PHC3: variants seen among roughly 807,000 people sequenced by gnomAD.
The protein encoded by PHC3 is polyhomeotic-like protein 3.
PHC3 carries 13 observed loss-of-function variants against 107.4 expected under a neutral mutation model. The ratio of observed to expected loss-of-function variants is 0.12; its 90% CI spans 0.08 to 0.19. The LOEUF is 0.19. PHC3 is among the 10% of genes least tolerant of loss of function. The pLI is 1.00. For missense variants in PHC3, 992 were observed against 1,210.9 expected (o/e 0.82, Z 2.68); for synonymous variants, 456 against 427.4 (o/e 1.07, Z -0.83).
At chr3:170,121,258 G>A (rs1720227033) in intron 9 of PHC3, among the ~76,000 whole-genome samples, 1 of 151,982 alleles carries the variant, frequency 6.6e-6, no homozygotes, top group African/African-American at 2.4e-5. Context: ...AGGATTACAT[G>A]AGCCCAGGAG....
rs182517202 is a variant in PHC3 at position 170,144,097 on chromosome 3, C to T, written c.672+1326G>A. On this transcript the variant is annotated intron_variant, in intron 6 of 14. Transcript: ENST00000495893. ...ATCCCAGCACTTTGGGAGGCTGAGGCGGGCAGATCACCTGAGATTCAAGAC... is the reference window on the plus strand; with the variant it reads ...ATCCCAGCACTTTGGGAGGCTGAGGTGGGCAGATCACCTGAGATTCAAGAC... Among the ~76,000 whole-genome samples, 508 of 147,684 alleles carry T rather than the reference C, an allele frequency of 3.4e-3. 3 individuals are homozygous for T. Among genetic ancestry groups the T allele is most frequent in the Non-Finnish European group, 5.5e-3 (369 of 67,388 alleles).
intron 7 of PHC3, among the ~76,000 whole-genome samples, chr3:170,133,796 A>G (rs919217174): frequency 6.6e-6 from 1 of 152,150 alleles, no homozygotes; most frequent in Non-Finnish European, 1.5e-5. Flanking sequence ...CTATTAATGA[A>G]AGAGGGGAGA....
chr3:170,164,010 A>G (rs114687707), intron 4 of PHC3, among the ~76,000 whole-genome samples: 19 of 152,214 alleles, frequency 1.2e-4, no homozygotes, highest in African/African-American at 3.4e-4. Context: ...GAACAGCCTG[A>G]GCAAGACAGC....
At chr3:170,101,375 A>G (rs1025949524) in intron 14 of PHC3, among the ~76,000 whole-genome samples, 3 of 152,194 alleles carry the variant, frequency 2.0e-5, no homozygotes, top group African/African-American at 4.8e-5. Context: ...ATTCCTAAAT[A>G]TATTTTCTTG....
intron 7 of PHC3, among the ~76,000 whole-genome samples, chr3:170,131,598 C>G (rs976915551): frequency 7.2e-5 from 11 of 152,180 alleles, no homozygotes; most frequent in Non-Finnish European, 1.5e-4. Context: ...TTTTGTGAGG[C>G]TGAGGTGGGA....
At chr3:170,108,334 C>T (rs1487147891) in intron 11 of PHC3, among the ~76,000 whole-genome samples, 1 of 152,136 alleles carries the variant, frequency 6.6e-6, no homozygotes, top group African/African-American at 2.4e-5. Flanking sequence ...CTCACATTAC[C>T]TCAGTTTTAC....
intron 7 of PHC3, among the ~76,000 whole-genome samples, 164 bp from the exon 8 acceptor site, chr3:170,129,716 T>G (rs74774260): frequency 6.6e-6 from 1 of 152,068 alleles, no homozygotes; most frequent in Non-Finnish European, 1.5e-5. Context: ...TTTTTTTTTT[T>G]GAGACAGAGT....
intron 4 of PHC3, among the ~76,000 whole-genome samples, chr3:170,151,081 C>T (rs535449231): frequency 9.2e-5 from 14 of 151,742 alleles, no homozygotes; most frequent in African/African-American, 2.4e-4. Flanking sequence ...TGTGATGGCA[C>T]GCGCCTGTAA....
intron 6 of PHC3, among the ~76,000 whole-genome samples, chr3:170,143,287 G>A (rs1724396051): frequency 6.6e-6 from 1 of 151,970 alleles, no homozygotes; most frequent in African/African-American, 2.4e-5. Context: ...AAATCTTAAA[G>A]TTAACAGAGA....
chr3:170,162,639 AT>A (rs1728074223), intron 4 of PHC3, among the ~76,000 whole-genome samples: 1 of 152,234 alleles, frequency 6.6e-6, no homozygotes, highest in Admixed American at 6.5e-5. Context: ...TTACAAGAAC[AT>A]TTAACTCCAT....
At chr3:170,153,503 C>G (rs1311236960) in intron 4 of PHC3, among the ~76,000 whole-genome samples, 1 of 152,146 alleles carries the variant, frequency 6.6e-6, no homozygotes, top group Non-Finnish European at 1.5e-5. Flanking sequence ...GTGGCTCACG[C>G]CTGTAATCCC....
In PHC3 at chr3:170,093,175, G is replaced by A. The variant is rs1286980943; in HGVS notation, c.*4055C>T. The A allele has an allele frequency of 6.6e-6, 1 of 152,238 alleles. No individual in the cohort carries two copies. Among genetic ancestry groups the A allele is most frequent in the African/African-American group, 2.4e-5 (1 of 41,448 alleles). 9.4% of individuals were successfully genotyped at this position (152,238 alleles called of 1,614,324 possible). A position where few individuals can be genotyped will look rare whatever the true frequency, so the allele number is the denominator to read the frequency against. On this transcript the variant is annotated 3_prime_UTR_variant, in exon 15 of 15. Coordinates refer to ENST00000495893, the MANE Select transcript of PHC3 (RefSeq NM_024947.4). ...CTGCCCAAAGGTTGCTCTGGAACAT[G>A]ACTGTCAGGTATCAGAAAGTCCTGC... is the stretch of plus-strand genomic sequence containing the variant.
rs115917618 is a variant in PHC3 at position 170,103,887 on chromosome 3, C to T, written c.2469-953G>A. ...TGGCAAGACCAGTTCAAGGCCAACACGGTGAAAACCCGTCTCTACCCAAAA... is the reference window on the plus strand; with the variant it reads ...TGGCAAGACCAGTTCAAGGCCAACATGGTGAAAACCCGTCTCTACCCAAAA... On this transcript the variant is annotated intron_variant, in intron 12 of 14. Coordinates refer to ENST00000495893, the MANE Select transcript of PHC3 (RefSeq NM_024947.4). Among the ~76,000 whole-genome samples, 1,106 of 152,150 alleles carry T rather than the reference C, an allele frequency of 7.3e-3. 19 individuals are homozygous for T. Among genetic ancestry groups the T allele is most frequent in the African/African-American group, 0.025 (1,042 of 41,502 alleles).
intron 1 of PHC3, 123 bp downstream of exon 1, chr3:170,181,579 G>A: frequency 7.1e-7 from 1 of 1,411,798 alleles, no homozygotes; most frequent in East Asian, 2.3e-5. Flanking sequence ...GATAGGACGG[G>A]TCTCGAGTCT....
intron 7 of PHC3, among the ~76,000 whole-genome samples, chr3:170,135,712 T>C (rs1386923464): frequency 6.7e-6 from 1 of 149,180 alleles, no homozygotes; most frequent in African/African-American, 2.5e-5. Flanking sequence ...CAGGGGCAAA[T>C]GGTGCTAAGT....
chr3:170,113,893 A>C (rs887840544), intron 10 of PHC3, among the ~76,000 whole-genome samples: 1 of 152,236 alleles, frequency 6.6e-6, no homozygotes, highest in East Asian at 1.9e-4. Flanking sequence ...ACTGAAAAAC[A>C]AAGGCAATAA....
At chr3:170,119,199 A>G (rs567855700) in intron 9 of PHC3, among the ~76,000 whole-genome samples, 1 of 152,152 alleles carries the variant, frequency 6.6e-6, no homozygotes, top group Non-Finnish European at 1.5e-5. Context: ...ACATACTTCT[A>G]GGGGACAAAG....
chr3:170,178,604 A>G (rs1036103353), intron 2 of PHC3, among the ~76,000 whole-genome samples, 169 bp downstream of exon 2: 1 of 152,234 alleles, frequency 6.6e-6, no homozygotes, highest in African/African-American at 2.4e-5. Flanking sequence ...ACAATTACAC[A>G]GTCTTGGTAT....
At position 170,097,465 on chromosome 3, in the gene PHC3, T is replaced by A. The variant is rs1384071703; in HGVS notation, c.2834-81A>T. 3.7e-6 allele frequency: 5 copies of A among 1,341,236 alleles called. No homozygotes were observed. Among genetic ancestry groups the A allele is most frequent in the Non-Finnish European group, 5.0e-6 (5 of 1,003,414 alleles). The allele number at this position is 1,341,236 out of a possible 1,614,324, so 83.1% of individuals were successfully genotyped here. A position where few individuals can be genotyped will look rare whatever the true frequency, so the allele number is the denominator to read the frequency against. ...ACTCCTAACAGTCACAGTTATGCTC[T>A]CACTGGGTCTGAGAATCTGAAATAC... On this transcript the variant is annotated intron_variant, in intron 14 of 14. Transcript: ENST00000495893. The surrounding 1 kb of genome is among the most constrained non-coding windows in gnomAD (Gnocchi z 4.1).
Sources: allele counts gnomAD v4.1 joint callset (sites outside exome capture counted in the v4.1 genomes callset), GRCh38; gene constraint gnomAD v4.1.1; non-coding constraint Gnocchi (gnomAD v3.1); transcripts MANE v1.5; gene names NCBI Gene and HGNC (gene_info 2026-07-23, HGNC 2026-07-21).